AMBP: variants seen among roughly 807,000 people sequenced by gnomAD.
AMBP encodes protein AMBP.
Under a neutral mutation model 46.3 loss-of-function variants are expected in AMBP, and 37 were observed. The observed-to-expected ratio is 0.80, with a 90% CI of 0.61 to 1.05. The LOEUF (loss-of-function observed/expected upper bound fraction) is 1.05, where lower values mean the gene tolerates loss of function less well. Among genes scored for constraint, AMBP ranks in the 50% least tolerant of loss-of-function variants. The pLI is 0.00. For synonymous variants in AMBP, 174 were observed against 175.9 expected, an observed-to-expected ratio of 0.99 and a Z score of 0.09; for missense variants, 475 against 461.2, an observed-to-expected ratio of 1.03 and a Z score of -0.27.
chr9:114,069,940 A>C (rs1446362115), intron 5 of AMBP, 195 bp from the exon 6 acceptor site: 1 of 594,616 alleles, frequency 1.7e-6, no homozygotes, highest in African/African-American at 1.8e-5. Flanking sequence ...CTGCACCATC[A>C]TTACCATCTA....
intron 6 of AMBP, among the ~76,000 whole-genome samples, chr9:114,069,243 C>T (rs910096649): frequency 2.0e-5 from 3 of 152,076 alleles, no homozygotes; most frequent in Non-Finnish European, 2.9e-5. Context: ...CAGAAGGCAA[C>T]ATAGGAAAAG....
intron 1 of AMBP, among the ~76,000 whole-genome samples, chr9:114,077,814 G>A (rs1371369136): frequency 1.3e-5 from 2 of 152,234 alleles, no homozygotes; most frequent in Admixed American, 1.3e-4. Flanking sequence ...TGGCAGGCAG[G>A]ACAAAGCCTT....
intron 6 of AMBP, 136 bp downstream of exon 6, chr9:114,069,563 C>G: frequency 1.2e-6 from 1 of 813,750 alleles, no homozygotes; most frequent in Non-Finnish European, 2.0e-6. Flanking sequence ...GACTTCAACA[C>G]TCATGGCCAT....
At chr9:114,074,213 G>A in intron 3 of AMBP, 61 bp from the exon 4 acceptor site, 1 of 1,351,566 alleles carries the variant, frequency 7.4e-7, no homozygotes, top group Non-Finnish European at 1.1e-6. Context: ...TCTAGCTGGA[G>A]GTCCGTCACC....
intron 8 of AMBP, 148 bp downstream of exon 8, chr9:114,061,276 A>G: frequency 1.4e-6 from 2 of 1,432,158 alleles, no homozygotes; most frequent in Non-Finnish European, 1.9e-6. Context: ...CCACATCCAA[A>G]GGTGGAATTC....
chr9:114,062,063 C>T (rs1273217661), intron 7 of AMBP, among the ~76,000 whole-genome samples: 5 of 152,168 alleles, frequency 3.3e-5, no homozygotes, highest in Admixed American at 2.6e-4. Flanking sequence ...CCATGAAGTC[C>T]TCCTGATCCC....
intron 6 of AMBP, among the ~76,000 whole-genome samples, chr9:114,066,855 G>A (rs964888747): frequency 2.6e-5 from 4 of 152,178 alleles, no homozygotes; most frequent in Admixed American, 2.6e-4. Flanking sequence ...TAAACTCAAT[G>A]ATATCAAGAG....
At chr9:114,061,731 A>C in intron 7 of AMBP, 140 bp from the exon 8 acceptor site, 3 of 1,049,642 alleles carry the variant, frequency 2.9e-6, no homozygotes, top group South Asian at 1.8e-5. Flanking sequence ...ACTGACTCTC[A>C]GAGAGGTGAA....
intron 1 of AMBP, among the ~76,000 whole-genome samples, chr9:114,076,976 C>T (rs981226118): frequency 7.9e-5 from 12 of 152,234 alleles, no homozygotes; most frequent in Admixed American, 5.9e-4. Flanking sequence ...AGCAGGTGTG[C>T]GGCTGGGGTC....
chr9:114,075,665 C>T (rs2567698), intron 2 of AMBP, among the ~76,000 whole-genome samples: 35,044 of 152,010 alleles, frequency 0.23, 4,492 homozygotes, highest in East Asian at 0.43. Flanking sequence ...CTTGCAATTG[C>T]GTGGGTCAGG....
chr9:114,074,830 T>G, intron 3 of AMBP, 130 bp downstream of exon 3: 2 of 734,364 alleles, frequency 2.7e-6, no homozygotes. Context: ...GAGGAGGAGT[T>G]GTTTGGGGGA....
chr9:114,076,796 C>A (rs1846817430), intron 1 of AMBP, 56 bp from the exon 2 acceptor site: 3 of 1,586,206 alleles, frequency 1.9e-6, no homozygotes, highest in Admixed American at 1.7e-5. Context: ...CAAAGCAGAC[C>A]TGGCTGACAT....
chr9:114,066,813 G>A (rs1846699569), intron 6 of AMBP, among the ~76,000 whole-genome samples: 1 of 152,146 alleles, frequency 6.6e-6, no homozygotes. Flanking sequence ...AAGTGTTCCC[G>A]AGGTAGCAAA....
intron 6 of AMBP, among the ~76,000 whole-genome samples, chr9:114,068,451 C>T (rs1035898170): frequency 1.3e-5 from 2 of 151,454 alleles, no homozygotes; most frequent in Non-Finnish European, 2.9e-5. Flanking sequence ...AAAAAAAATA[C>T]AAAAATTAGC....
intron 1 of AMBP, 129 bp from the exon 2 acceptor site, chr9:114,076,869 T>A: frequency 1.7e-6 from 2 of 1,188,390 alleles, no homozygotes; most frequent in Non-Finnish European, 1.2e-6. Flanking sequence ...CTTATCCTTT[T>A]AAGGGATAAT....
At chr9:114,061,781 C>T (rs1846642045) in intron 7 of AMBP, among the ~76,000 whole-genome samples, 190 bp from the exon 8 acceptor site, 1 of 152,084 alleles carries the variant, frequency 6.6e-6, no homozygotes, top group Non-Finnish European at 1.5e-5. Flanking sequence ...GATTCAAAAC[C>T]CTGTCTCCAA....
At chr9:114,069,852 G>A in intron 5 of AMBP, 107 bp from the exon 6 acceptor site, 1 of 1,179,904 alleles carries the variant, frequency 8.5e-7, no homozygotes, top group South Asian at 1.3e-5. Flanking sequence ...AACTTGTCGT[G>A]CCTTAGTCCA....
In AMBP at chr9:114,074,089, A is replaced by C. The variant is rs1286445690; in HGVS notation, c.401T>G (p.Leu134Arg). Residue 134 changes from leucine to arginine, a missense_variant, in exon 4 of 10, where the codon CTG becomes CGG. Around this residue, in one of 3 missense-constraint regions of AMBP, gnomAD observed 3 missense variants for 16.9 expected, o/e 0.18. Coordinates refer to ENST00000265132, the MANE Select transcript of AMBP (RefSeq NM_001633.4). ...ATGATGGCGGCTGAATTTCTTGGTCAGGAAAATGGCATACTCATCATAGTT... is the reference window on the plus strand; with the variant it reads ...ATGATGGCGGCTGAATTTCTTGGTCCGGAAAATGGCATACTCATCATAGTT... ...HTNYDEYAIF[L>R]TKKFSRHHGP... The C allele has an allele frequency of 6.2e-7, 1 of 1,614,036 alleles. No homozygotes were observed. Among genetic ancestry groups the C allele is most frequent in the African/African-American group, 1.3e-5 (1 of 74,900 alleles).
intron 6 of AMBP, among the ~76,000 whole-genome samples, chr9:114,068,070 G>C (rs1433353405): frequency 6.6e-6 from 1 of 152,160 alleles, no homozygotes; most frequent in Non-Finnish European, 1.5e-5. Context: ...CAATTTAAAA[G>C]ACAAAAGAAA....
Sources: gnomAD v4.1 joint callset for allele counts (sites outside exome capture counted in the v4.1 genomes callset) on GRCh38, gnomAD v4.1.1 for gene constraint, gnomAD v4.1.1 regional missense constraint, MANE v1.5 for transcripts, NCBI Gene and HGNC (gene_info 2026-07-23, HGNC 2026-07-21) for gene names.